ROCK1: variants seen among roughly 807,000 people sequenced by gnomAD.
The protein encoded by ROCK1 is rho-associated protein kinase 1.
In ROCK1, 36 loss-of-function variants were observed where a neutral mutation model predicts 196.8. The observed-to-expected ratio is 0.18, with a 90% CI of 0.14 to 0.24. The LOEUF is 0.24. ROCK1 is among the 10% of genes least tolerant of loss of function. The probability of loss-of-function intolerance (pLI) is 1.00; values close to 1 mark genes in which losing one functional copy is unlikely to be tolerated. For missense variants in ROCK1, 920 were observed against 1,562.0 expected, an observed-to-expected ratio of 0.59 and a Z score of 6.93; for synonymous variants, 443 against 515.9, an observed-to-expected ratio of 0.86 and a Z score of 1.91.
chr18:20,985,118 C>T (rs2035566927), intron 19 of ROCK1, among the ~76,000 whole-genome samples: 2 of 151,642 alleles, frequency 1.3e-5, no homozygotes, highest in Non-Finnish European at 1.5e-5. Context: ...AAAAGCCATT[C>T]CTGGGGGAAC....
rs427009 is a variant in ROCK1 at position 21,065,495 on chromosome 18, T to C, written c.175+5037A>G. The stretch of plus-strand genomic sequence containing the variant: ...GATTTGTTTGATAAACATGTTTTTC[T>C]ATTAACATATAATTATGAATCTTGT... On this transcript the variant is annotated intron_variant, in intron 2 of 32. Transcript: ENST00000399799. Among the ~76,000 whole-genome samples, 1,134 of 152,304 alleles carry C rather than the reference T, an allele frequency of 7.4e-3. 19 individuals are homozygous for C. The highest frequency in any genetic ancestry group is 0.025 in the African/African-American group (1,055 of 41,562).
intron 10 of ROCK1, among the ~76,000 whole-genome samples, chr18:21,027,370 T>G (rs2035967652): frequency 6.6e-6 from 1 of 152,234 alleles, no homozygotes. Context: ...GCTCAGTATA[T>G]ACCTGACAAA....
At chr18:21,077,510 C>T (rs2036443552) in intron 1 of ROCK1, among the ~76,000 whole-genome samples, 1 of 152,150 alleles carries the variant, frequency 6.6e-6, no homozygotes, top group Admixed American at 6.5e-5. Flanking sequence ...AACTACAAAA[C>T]CTACTGACAC....
intron 1 of ROCK1, among the ~76,000 whole-genome samples, chr18:21,079,153 C>T (rs2036461096): frequency 1.3e-5 from 2 of 152,132 alleles, no homozygotes; most frequent in African/African-American, 4.8e-5. Flanking sequence ...AAAAGTGCTT[C>T]CTTTTCCATT....
At chr18:21,105,457 T>C (rs1330066022) in intron 1 of ROCK1, among the ~76,000 whole-genome samples, 3 of 152,182 alleles carry the variant, frequency 2.0e-5, no homozygotes, top group Non-Finnish European at 4.4e-5. Context: ...GGCTCAAAGA[T>C]TTAATGACCT....
At chr18:21,035,414 C>A (rs1294228681) in intron 9 of ROCK1, among the ~76,000 whole-genome samples, 1 of 152,144 alleles carries the variant, frequency 6.6e-6, no homozygotes, top group East Asian at 1.9e-4. Context: ...AATCCCTGCA[C>A]TTTGGGAGGC....
chr18:21,004,213 TA>T (rs2035750002), intron 16 of ROCK1, among the ~76,000 whole-genome samples: 1 of 151,974 alleles, frequency 6.6e-6, no homozygotes, highest in South Asian at 2.1e-4. Context: ...TAAAAGGTTA[TA>T]AAAAGTAAAA....
intron 29 of ROCK1, among the ~76,000 whole-genome samples, chr18:20,959,063 TTTA>T (rs1568367316): frequency 2.1e-5 from 1 of 48,046 alleles, no homozygotes; most frequent in African/African-American, 2.1e-4. Flanking sequence ...TATATTATAT[TTTA>T]TATTATATAA....
rs2555396 is a variant in ROCK1 at position 20,950,989 on chromosome 18, T to C, written c.*395A>G. The C allele has an allele frequency of 0.014, 2,392 of 169,520 alleles. 62 individuals carry two copies. Among genetic ancestry groups the C allele is most frequent in the African/African-American group, 0.053 (2,225 of 42,224 alleles). 10.5% of individuals were successfully genotyped at this position (169,520 alleles called of 1,614,324 possible). ...TGAGATATTTTCTTTACTCCTTCCATGAGCTGATCTTGATAGTGATGGCTG... is the reference window on the plus strand; with the variant it reads ...TGAGATATTTTCTTTACTCCTTCCACGAGCTGATCTTGATAGTGATGGCTG... On this transcript the variant is annotated 3_prime_UTR_variant, in exon 33 of 33. Transcript: ENST00000399799.
intron 2 of ROCK1, among the ~76,000 whole-genome samples, chr18:21,062,079 C>T (rs1369538100): frequency 1.3e-5 from 2 of 152,088 alleles, no homozygotes; most frequent in African/African-American, 4.8e-5. Flanking sequence ...TATTTCCTAG[C>T]TATGGCAGCT....
intron 1 of ROCK1, among the ~76,000 whole-genome samples, chr18:21,093,638 C>A (rs11876799): frequency 0.16 from 24,060 of 151,948 alleles, 3,868 homozygotes; most frequent in African/African-American, 0.41. Flanking sequence ...TCTCATGTGA[C>A]CCTACCCGCC....
intron 1 of ROCK1, among the ~76,000 whole-genome samples, chr18:21,104,109 TATA>T (rs2036682581): frequency 6.6e-6 from 1 of 152,222 alleles, no homozygotes; most frequent in African/African-American, 2.4e-5. Flanking sequence ...GAACTCTATA[TATA>T]ATATTTCCTG....
At chr18:20,951,551 T>A (rs1364378927) in intron 32 of ROCK1, among the ~76,000 whole-genome samples, 164 bp from the exon 33 acceptor site, 1 of 152,194 alleles carries the variant, frequency 6.6e-6, no homozygotes, top group African/African-American at 2.4e-5. Flanking sequence ...TACTTAGTAT[T>A]CTCTCCTCTT....
At chr18:21,011,889 G>GA (rs1221082017) in intron 13 of ROCK1, among the ~76,000 whole-genome samples, 1 of 152,012 alleles carries the variant, frequency 6.6e-6, no homozygotes, top group Non-Finnish European at 1.5e-5. Flanking sequence ...ATAAAGAGGA[G>GA]AAAAAAATGT....
chr18:20,993,802 T>TAA (rs1029622209), intron 16 of ROCK1, among the ~76,000 whole-genome samples: 5 of 152,206 alleles, frequency 3.3e-5, no homozygotes, highest in African/African-American at 1.2e-4. Flanking sequence ...AAATATTTAA[T>TAA]AAACACACAA....
chr18:21,067,202 C>G (rs2036342134), intron 2 of ROCK1, among the ~76,000 whole-genome samples: 1 of 152,082 alleles, frequency 6.6e-6, no homozygotes, highest in Non-Finnish European at 1.5e-5. Flanking sequence ...CACATGTTTA[C>G]TGGCCATTTT....
chr18:21,041,918 TATG>T (rs1329876876), intron 8 of ROCK1, among the ~76,000 whole-genome samples, 176 bp downstream of exon 8: 1 of 151,538 alleles, frequency 6.6e-6, no homozygotes, highest in Admixed American at 6.6e-5. Context: ...ATTTCTTAGG[TATG>T]ATAAGTGAGT....
intron 1 of ROCK1, among the ~76,000 whole-genome samples, chr18:21,082,531 A>G (rs1243733851): frequency 6.6e-6 from 1 of 152,192 alleles, no homozygotes; most frequent in Non-Finnish European, 1.5e-5. Flanking sequence ...TTTAACATAC[A>G]AAAATATTTT....
At chr18:21,035,271 G>A (rs2036047027) in intron 9 of ROCK1, among the ~76,000 whole-genome samples, 1 of 152,210 alleles carries the variant, frequency 6.6e-6, no homozygotes, top group Non-Finnish European at 1.5e-5. Flanking sequence ...GGCTGAGCGT[G>A]GTGGCTCACG....
Sources: gnomAD v4.1 joint callset for allele counts (sites outside exome capture counted in the v4.1 genomes callset) on GRCh38, gnomAD v4.1.1 for gene constraint, MANE v1.5 for transcripts, NCBI Gene and HGNC (gene_info 2026-07-23, HGNC 2026-07-21) for gene names.